The following IPP variants were observed in gnomAD, a reference collection of about 807,000 sequenced individuals.
IPP encodes intracisternal A particle-promoted polypeptide.
A neutral mutation model predicts 64.1 loss-of-function variants in IPP; 41 were observed. The observed-to-expected ratio is 0.64, with a 90% confidence interval of 0.50 to 0.83. The LOEUF (loss-of-function observed/expected upper bound fraction) is 0.83. Among genes scored for constraint, IPP ranks in the 40% least tolerant of loss-of-function variants. IPP has a pLI of 0.00. For missense variants in IPP, 649 were observed against 703.0 expected, an observed-to-expected ratio of 0.92 and a Z score of 0.87; for synonymous variants, 214 against 235.2, an observed-to-expected ratio of 0.91 and a Z score of 0.83.
chr1:45,732,763 T>C (rs1645928289), intron 3 of IPP, among the ~76,000 whole-genome samples: 1 of 152,072 alleles, frequency 6.6e-6, no homozygotes. Context: ...ACCTCCTGGG[T>C]TCACACCATT....
rs1224071275 is a variant in IPP at position 45,698,969 on chromosome 1, G to T, written c.*997C>A. The stretch of plus-strand genomic sequence containing the variant: ...ACTCCTGAGTTCAAGCCATCTTCCC[G>T]TCTCACCTCGGCCTCTCAAAGTGCT... On this transcript the variant is annotated 3_prime_UTR_variant, in exon 9 of 9. Coordinates refer to ENST00000396478, the MANE Select transcript of IPP (RefSeq NM_005897.3). 2.4e-6 allele frequency: 2 copies of T among 839,194 alleles called. No individual in the cohort carries two copies. The highest frequency in any genetic ancestry group is 2.9e-6 in the Non-Finnish European group (2 of 696,600). The allele number at this position is 839,194 out of a possible 1,614,324, so 52.0% of individuals were successfully genotyped here.
chr1:45,749,134 T>C (rs1045541549), intron 1 of IPP, among the ~76,000 whole-genome samples: 8 of 152,184 alleles, frequency 5.3e-5, no homozygotes, highest in African/African-American at 1.7e-4. Context: ...AATTACAAGG[T>C]ACCTCCTCTG....
At chr1:45,748,803 C>G (rs1431955051) in intron 1 of IPP, among the ~76,000 whole-genome samples, 2 of 152,020 alleles carry the variant, frequency 1.3e-5, no homozygotes, top group African/African-American at 4.8e-5. Flanking sequence ...GACCCCATCT[C>G]TACTAAAAAA....
rs79123463 is a variant in IPP at position 45,713,208 on chromosome 1, G to A, written c.1530+1038C>T. ...TTTGGGATGCCAAGGCAGGAGAATC[G>A]CTTAAGACCAGGAGTTTGAGATCAG... On this transcript the variant is annotated intron_variant, in intron 8 of 8. Transcript: ENST00000396478. Among the ~76,000 whole-genome samples the A allele has an allele frequency of 3.1e-3, 467 of 152,102 alleles. 4 individuals carry two copies. The highest frequency in any genetic ancestry group is 0.023 in the East Asian group (119 of 5,166).
At chr1:45,721,721 T>C (rs765019864) in intron 5 of IPP, among the ~76,000 whole-genome samples, 26 of 152,180 alleles carry the variant, frequency 1.7e-4, no homozygotes, top group African/African-American at 5.3e-4. Flanking sequence ...ATCAACAAAA[T>C]AGACAATTTT....
chr1:45,725,097 C>T (rs1645797271), intron 5 of IPP, among the ~76,000 whole-genome samples: 1 of 147,638 alleles, frequency 6.8e-6, no homozygotes, highest in African/African-American at 2.5e-5. Context: ...GCCAGCCGCC[C>T]CGTCCGGGAG....
At chr1:45,727,574 C>T in intron 5 of IPP, 57 bp downstream of exon 5, 3 of 1,010,288 alleles carry the variant, frequency 3.0e-6, no homozygotes, top group South Asian at 4.9e-5. Flanking sequence ...AATCATAAAG[C>T]ATATTAGAAT....
chr1:45,719,560 T>C (rs1375304015), intron 5 of IPP, among the ~76,000 whole-genome samples: 1 of 152,226 alleles, frequency 6.6e-6, no homozygotes, highest in Admixed American at 6.5e-5. Flanking sequence ...ACAATTTTCC[T>C]ATTATCTATT....
At chr1:45,717,569 A>C (rs1645677904) in intron 6 of IPP, among the ~76,000 whole-genome samples, 1 of 151,662 alleles carries the variant, frequency 6.6e-6, no homozygotes, top group Admixed American at 6.6e-5. Flanking sequence ...GCAGTGGTGC[A>C]ATCTCGGCTC....
intron 1 of IPP, among the ~76,000 whole-genome samples, chr1:45,748,557 C>G (rs995638348): frequency 6.6e-6 from 1 of 152,112 alleles, no homozygotes; most frequent in African/African-American, 2.4e-5. Context: ...GTAGTCCCAG[C>G]TACTCAGGGG....
intron 8 of IPP, among the ~76,000 whole-genome samples, chr1:45,704,148 T>C (rs970296680): frequency 6.6e-6 from 1 of 152,030 alleles, no homozygotes; most frequent in African/African-American, 2.4e-5. Flanking sequence ...CTGGAGATGT[T>C]AGATGGAGAA....
intron 5 of IPP, among the ~76,000 whole-genome samples, chr1:45,724,843 TGAG>T (rs1419645681): frequency 6.8e-6 from 1 of 147,744 alleles, no homozygotes; most frequent in African/African-American, 2.5e-5. Flanking sequence ...GTCTGGGAAG[TGAG>T]GAGCGTCTCC....
chr1:45,714,590 ATTT>A, intron 7 of IPP, 124 bp from the exon 8 acceptor site: 1 of 646,980 alleles, frequency 1.5e-6, no homozygotes, highest in Non-Finnish European at 2.7e-6. Flanking sequence ...TTACATTATT[ATTT>A]AAGAGAGAAA....
At chr1:45,743,952 C>T (rs781637970) in intron 2 of IPP, among the ~76,000 whole-genome samples, 4 of 150,588 alleles carry the variant, frequency 2.7e-5, no homozygotes, top group South Asian at 2.1e-4. Context: ...GGGAGGCAGA[C>T]GTTGCAGTGA....
At chr1:45,717,244 A>T (rs34772511) in intron 6 of IPP, among the ~76,000 whole-genome samples, 5 of 136,778 alleles carry the variant, frequency 3.7e-5, no homozygotes, top group South Asian at 2.3e-4. Context: ...AAAAAAAAAA[A>T]GGAATTCAAG....
intron 3 of IPP, among the ~76,000 whole-genome samples, chr1:45,736,599 C>A (rs560984432): frequency 6.6e-6 from 1 of 151,936 alleles, no homozygotes; most frequent in Non-Finnish European, 1.5e-5. Context: ...AAAAAAAAAT[C>A]AATTTACTTC....
chr1:45,729,061 G>T (rs184193843), intron 4 of IPP, among the ~76,000 whole-genome samples: 1 of 149,888 alleles, frequency 6.7e-6, no homozygotes, highest in Non-Finnish European at 1.5e-5. Context: ...CAGTAGAATC[G>T]CTTGAACCCA....
chr1:45,702,685 T>C (rs1645471060), intron 8 of IPP, among the ~76,000 whole-genome samples: 1 of 152,000 alleles, frequency 6.6e-6, no homozygotes, highest in Non-Finnish European at 1.5e-5. Context: ...GAACTCCTGA[T>C]CTCAGGTGAT....
chr1:45,723,972 C>A (rs1362697635), intron 5 of IPP, among the ~76,000 whole-genome samples: 1 of 149,174 alleles, frequency 6.7e-6, no homozygotes, highest in South Asian at 2.2e-4. Flanking sequence ...CTCCCTCTCC[C>A]CCTCCCCCTC....
Sources: gnomAD v4.1 joint callset for allele counts (sites outside exome capture counted in the v4.1 genomes callset) on GRCh38, gnomAD v4.1.1 for gene constraint, MANE v1.5 for transcripts, NCBI Gene and HGNC (gene_info 2026-07-23, HGNC 2026-07-21) for gene names.